MUC5B: variants seen among roughly 807,000 people sequenced by gnomAD.
The protein encoded by MUC5B is mucin-5B.
Under a neutral mutation model 376.9 loss-of-function variants are expected in MUC5B, and 116 were observed. The observed-to-expected ratio is 0.31, with a 90% CI of 0.26 to 0.36. The LOEUF is 0.36. MUC5B is among the 10% of genes least tolerant of loss of function. The pLI is 1.00. For missense variants in MUC5B, 7,165 were observed against 7,769.9 expected, an observed-to-expected ratio of 0.92 and a Z score of 2.93; for synonymous variants, 3,517 against 3,390.9, an observed-to-expected ratio of 1.04 and a Z score of -1.29.
chr11:1,236,438 C>G lies in MUC5B; in HGVS notation c.2933C>G (p.Pro978Arg). ...ACCTTTAAGGCGGTGGCGAGAGGGCCGGGTGGGGACCCACCCTACAAGATA... is the reference window on the plus strand; with the variant it reads ...ACCTTTAAGGCGGTGGCGAGAGGGCGGGGTGGGGACCCACCCTACAAGATA... ...EGTFKAVARG[P>R]GGDPPYKIRY... is the part of the protein sequence containing the mutation. Residue 978 changes from proline (P) to arginine (R), a missense_variant, in exon 24 of 49, where the codon CCG becomes CGG. By Grantham distance (103) the Pro-to-Arg change is moderately radical. Transcript: ENST00000529681. 1 of 1,612,562 alleles carries G rather than the reference C, an allele frequency of 6.2e-7. No individual in the cohort carries two copies. The highest frequency in any genetic ancestry group is 8.5e-7 in the Non-Finnish European group (1 of 1,179,642).
At position 1,247,722 on chromosome 11, in the gene MUC5B, C is replaced by T. The variant is rs1590184533; in HGVS notation, c.10842C>T (p.Gly3614=). ...GGGCAGTCTGTGAGCAGCCCCTGGGCCTCGAGTGCCGTGCCCAGGCCCAGC... is the reference window on the plus strand; with the variant it reads ...GGGCAGTCTGTGAGCAGCCCCTGGGTCTCGAGTGCCGTGCCCAGGCCCAGC... ...AGGAVCEQPL[G]LECRAQAQPG... Residue 3614 remains glycine (G), a synonymous_variant, in exon 31 of 49, where the codon GGC becomes GGT. Coordinates refer to ENST00000529681, the MANE Select transcript of MUC5B (RefSeq NM_002458.3). 2 of 1,601,740 alleles carry T rather than the reference C, an allele frequency of 1.2e-6. No individual in the cohort carries two copies. The highest frequency in any genetic ancestry group is 1.1e-5 in the South Asian group (1 of 90,494).
rs1339999868 is a variant in MUC5B at position 1,251,096 on chromosome 11, C to G, written c.14216C>G (p.Thr4739Arg). 6.8e-6 allele frequency: 11 copies of G among 1,611,216 alleles called. No homozygotes were observed. The highest frequency in any genetic ancestry group is 6.7e-5 in the Admixed American group (4 of 59,972). ...ACTGCAACCACCCTTCCAGTGCTGA[C>G]AAGCACAGCCACAAAATCCACAGCT... ...PRTATTLPVL[T>R]STATKSTATS... The change falls in exon 31 of 49, where the codon ACA becomes AGA. Residue 4739 changes from threonine (T) to arginine (R), a missense_variant. Transcript: ENST00000529681.
chr11:1,240,365 C>A lies in MUC5B; in HGVS notation c.3960C>A (p.His1320Gln), dbSNP rs1403230297. Residue 1320 changes from histidine (H) to glutamine (Q), a missense_variant, in exon 30 of 49, where the codon CAC becomes CAA. Physicochemically the swap from His to Gln is conservative, Grantham distance 24. This residue lies in a region of MUC5B where 517 missense variants were observed against 545.3 expected (regional missense o/e 0.95). Transcript: ENST00000529681. ...CCTTCACCACCGCCTGGGTCCCCCACTCCACGACAAGTAAGCCCTGCCTGG... is the reference window on the plus strand; with the variant it reads ...CCTTCACCACCGCCTGGGTCCCCCAATCCACGACAAGTAAGCCCTGCCTGG... ...PFTFTTAWVPHSTTSPALPVS... is the reference protein window; with the variant it reads ...PFTFTTAWVPQSTTSPALPVS... 1 of 1,597,950 alleles carries A rather than the reference C, an allele frequency of 6.3e-7. No homozygotes were observed. The highest frequency in any genetic ancestry group is 8.6e-7 in the Non-Finnish European group (1 of 1,169,144).
rs1264681125 is a variant in MUC5B, at chr11:1,260,367, C to T, written c.16940C>T (p.Thr5647Ile). 2 of 1,612,538 alleles carry T rather than the reference C, an allele frequency of 1.2e-6. No individual in the cohort carries two copies. The highest frequency in any genetic ancestry group is 1.7e-6 in the Non-Finnish European group (2 of 1,179,764). The change falls in exon 47 of 49, where the codon ACC becomes ATC. Residue 5647 changes from threonine (T) to isoleucine (I), a missense_variant. By Grantham distance (89) the Thr-to-Ile change is moderately conservative. Transcript: ENST00000529681. Reference protein sequence around the residue: ...VSSCRGSLRKTGCCYSCEEDS... With the variant: ...VSSCRGSLRKIGCCYSCEEDS... ...CCCCACCAGGGGAGCCTCAGGAAAA[C>T]CGGCTGCTGCTACTCCTGTGAGGAG...
Position 1,251,739 on chromosome 11 carries a change from G to C in MUC5B, c.14859G>C (p.Ser4953=), listed in dbSNP as rs200564889. The stretch of plus-strand genomic sequence containing the variant: ...GCAGGGCATTTGGACAGTTTTTCTC[G>C]CCCGGTGAGTGCATGTGGATAACAC... The part of the protein sequence containing the change: ...CFCRAFGQFF[S]PGEVIYNKTD... The change falls in exon 31 of 49, where the codon TCG becomes TCC. Residue 4953 remains serine, a synonymous_variant. Transcript: ENST00000529681. 1.3e-6 allele frequency: 2 copies of C among 1,585,774 alleles called. No individual in the cohort carries two copies. Among genetic ancestry groups the C allele is most frequent in the Non-Finnish European group, 1.7e-6 (2 of 1,159,944 alleles).
chr11:1,231,379 T>C (rs1862024130), intron 13 of MUC5B, 44 bp from the exon 14 acceptor site: 2 of 1,568,328 alleles, frequency 1.3e-6, no homozygotes, highest in Non-Finnish European at 1.7e-6. Flanking sequence ...TAGCCAGATC[T>C]GTCCCTGCAC....
intron 45 of MUC5B, 31 bp downstream of exon 45, chr11:1,259,873 C>T: frequency 2.5e-6 from 4 of 1,612,166 alleles, no homozygotes; most frequent in Non-Finnish European, 3.4e-6. Flanking sequence ...GGGCAGGTCT[C>T]AGCTCCCTCC....
Position 1,243,315 on chromosome 11 carries a change from C to T in MUC5B, c.6435C>T (p.Ser2145=). 6.4e-7 allele frequency: 1 copy of T among 1,557,478 alleles called. No homozygotes were observed. Among genetic ancestry groups the T allele is most frequent in the Non-Finnish European group, 8.7e-7 (1 of 1,150,594 alleles). Residue 2145 remains serine (S), a synonymous_variant, in exon 31 of 49, where the codon TCC becomes TCT. Coordinates refer to ENST00000529681, the MANE Select transcript of MUC5B (RefSeq NM_002458.3). ...CCACTACGATCACGGCCACCGGCTCCACCACCAACCCCTCCTCAACTCCTG... is the reference window on the plus strand; with the variant it reads ...CCACTACGATCACGGCCACCGGCTCTACCACCAACCCCTCCTCAACTCCTG... ...TTATTITATG[S]TTNPSSTPGT...
Position 1,246,395 on chromosome 11 carries a change from C to G in MUC5B, c.9515C>G (p.Thr3172Ser). The change falls in exon 31 of 49, where the codon ACC (threonine) becomes AGC (serine). Residue 3172 changes from threonine to serine, a missense_variant. Physicochemically the swap from Thr to Ser is moderately conservative, Grantham distance 58 (BLOSUM62 1). Around this residue, in one of 31 missense-constraint regions of MUC5B, gnomAD observed 939 missense variants for 770.6 expected, o/e 1.22. Transcript: ENST00000529681. ...CTCACAGAGCCCAGCACTACAGCCACCGTGACGGTGCCCACCGGATCCACG... is the reference window on the plus strand; with the variant it reads ...CTCACAGAGCCCAGCACTACAGCCAGCGTGACGGTGCCCACCGGATCCACG... ...WILTEPSTTA[T>S]VTVPTGSTAT... 6.2e-7 allele frequency: 1 copy of G among 1,613,626 alleles called. No homozygotes were observed.
Position 1,251,102 on chromosome 11 carries a change from C to G in MUC5B, c.14222C>G (p.Thr4741Arg). 1.2e-6 allele frequency: 2 copies of G among 1,611,430 alleles called. No individual in the cohort carries two copies. The highest frequency in any genetic ancestry group is 1.3e-5 in the African/African-American group (1 of 74,846). The change falls in exon 31 of 49, where the codon ACA becomes AGA. Residue 4741 changes from threonine (T) to arginine (R), a missense_variant. By Grantham distance (71) the Thr-to-Arg change is moderately conservative. This residue lies in a region of MUC5B where 730 missense variants were observed against 592.7 expected (regional missense o/e 1.23). Transcript: ENST00000529681. ...TATTLPVLTS[T>R]ATKSTATSFT... is the part of the protein sequence containing the mutation. ...ACCACCCTTCCAGTGCTGACAAGCACAGCCACAAAATCCACAGCTACCAGC... is the reference window on the plus strand; with the variant it reads ...ACCACCCTTCCAGTGCTGACAAGCAGAGCCACAAAATCCACAGCTACCAGC...
intron 7 of MUC5B, among the ~76,000 whole-genome samples, 198 bp downstream of exon 7, chr11:1,227,979 G>A (rs1029609216): frequency 1.3e-5 from 2 of 152,192 alleles, no homozygotes; most frequent in African/African-American, 4.8e-5. Flanking sequence ...ATCAGGCCAC[G>A]CGTGTGCCCA....
Position 1,234,615 on chromosome 11 carries a change from C to T in MUC5B, c.2565C>T (p.Cys855=), listed in dbSNP as rs1862114009. ...GSGGCIAEED[C]PCVHNEATYK... is the part of the protein sequence containing the mutation. ...GGGGCTGCATTGCCGAGGAGGACTG[C>T]CCCTGTGTGCACAACGAGGCCACCT... The change falls in exon 21 of 49, where the codon TGC becomes TGT. Residue 855 remains cysteine (C), a synonymous_variant. Coordinates refer to ENST00000529681, the MANE Select transcript of MUC5B (RefSeq NM_002458.3). This position sits in a 1 kb window ranked among gnomAD's most constrained non-coding sequence, Gnocchi z 6.3. The T allele has an allele frequency of 6.4e-7, 1 of 1,560,672 alleles. No individual in the cohort carries two copies. Among genetic ancestry groups the T allele is most frequent in the Non-Finnish European group, 8.7e-7 (1 of 1,153,072 alleles).
In MUC5B at chr11:1,258,267, G is replaced by T; in HGVS notation, c.16556-63G>T. On this transcript the variant is annotated intron_variant, in intron 42 of 48. Transcript: ENST00000529681. This position sits in a 1 kb window ranked among gnomAD's most constrained non-coding sequence, Gnocchi z 5.5. ...GCTGGGGGTGGGGGAGTGCAGGATG[G>T]TGGGGGCGCTGGAGCACATGCTCCC... 6.3e-7 allele frequency: 1 copy of T among 1,589,740 alleles called. No individual in the cohort carries two copies. Among genetic ancestry groups the T allele is most frequent in the Non-Finnish European group, 8.6e-7 (1 of 1,168,070 alleles).
At chr11:1,238,752 G>C in intron 25 of MUC5B, 119 bp from the exon 26 acceptor site, 1 of 1,139,700 alleles carries the variant, frequency 8.8e-7, no homozygotes, top group Non-Finnish European at 1.3e-6. Flanking sequence ...CAGGAGCTCA[G>C]AGAGCTGCCA....
Position 1,258,448 on chromosome 11 carries a change from T to C in MUC5B, c.16593+81T>C, listed in dbSNP as rs533843836. The C allele has an allele frequency of 9.3e-6, 14 of 1,498,816 alleles. No individual in the cohort carries two copies. In the South Asian group the frequency reaches 1.6e-4, roughly 17 times the overall value. 92.8% of individuals were successfully genotyped at this position (1,498,816 alleles called of 1,614,324 possible). ...TGCCCCGGGGCTCTCTGAGCCCCACTCCTTGTCTTGACATTCCTGCCCTGA... is the reference window on the plus strand; with the variant it reads ...TGCCCCGGGGCTCTCTGAGCCCCACCCCTTGTCTTGACATTCCTGCCCTGA... On this transcript the variant is annotated intron_variant, in intron 43 of 48. Coordinates refer to ENST00000529681, the MANE Select transcript of MUC5B (RefSeq NM_002458.3). This position sits in a 1 kb window ranked among gnomAD's most constrained non-coding sequence, Gnocchi z 5.5.
At chr11:1,225,766 T>C (rs1273880122) in intron 2 of MUC5B, 29 bp downstream of exon 2, 2 of 1,590,522 alleles carry the variant, frequency 1.3e-6, no homozygotes, top group South Asian at 1.1e-5. Context: ...GGGTGGGGGG[T>C]TCCTGACCAG....
intron 23 of MUC5B, 23 bp from the exon 24 acceptor site, chr11:1,236,363 G>A (rs762926976): frequency 2.5e-5 from 40 of 1,588,450 alleles, no homozygotes; most frequent in South Asian, 1.7e-4. Context: ...GTCGGCTTCC[G>A]GCAGCGTCTG....
rs373187065 is a variant in MUC5B at position 1,235,350 on chromosome 11, C to G, written c.2817C>G (p.Thr939=). 8 of 1,612,820 alleles carry G rather than the reference C, an allele frequency of 5.0e-6. No individual in the cohort carries two copies. The highest frequency in any genetic ancestry group is 5.9e-6 in the Non-Finnish European group (7 of 1,179,792). The change falls in exon 23 of 49, where the codon ACC becomes ACG. Residue 939 remains threonine, a synonymous_variant. Transcript: ENST00000529681. ...CCCACGGGACCTTCCGCATCGTCAC[C>G]GAGAACATCCCCTGTGGGACCACCG... is the stretch of plus-strand genomic sequence containing the variant. ...NTTHGTFRIV[T]ENIPCGTTGT...
In MUC5B at chr11:1,247,726, G is replaced by A. The variant is rs571165590; in HGVS notation, c.10846G>A (p.Glu3616Lys). Reference protein sequence around the residue: ...GAVCEQPLGLECRAQAQPGVP... With the variant: ...GAVCEQPLGLKCRAQAQPGVP... ...AGTCTGTGAGCAGCCCCTGGGCCTC[G>A]AGTGCCGTGCCCAGGCCCAGCCTGG... is the stretch of plus-strand genomic sequence containing the variant. The change falls in exon 31 of 49, where the codon GAG becomes AAG. Residue 3616 changes from glutamate to lysine, a missense_variant. This residue lies in a region of MUC5B where 81 missense variants were observed against 154.5 expected (regional missense o/e 0.52). Coordinates refer to ENST00000529681, the MANE Select transcript of MUC5B (RefSeq NM_002458.3). The A allele has an allele frequency of 9.5e-5, 153 of 1,603,350 alleles. 1 individual carries two copies. Among genetic ancestry groups the A allele is most frequent in the African/African-American group, 1.6e-4 (12 of 74,328 alleles).
Sources: allele counts gnomAD v4.1 joint callset (sites outside exome capture counted in the v4.1 genomes callset), GRCh38; gene constraint gnomAD v4.1.1; regional missense constraint gnomAD v4.1.1; non-coding constraint Gnocchi (gnomAD v3.1); transcripts MANE v1.5; gene names NCBI Gene and HGNC (gene_info 2026-07-23, HGNC 2026-07-21).